The following OR9I1 variants were observed in gnomAD, a reference collection of about 807,000 sequenced individuals.
The protein encoded by OR9I1 is olfactory receptor 9I1.
In OR9I1, 7 loss-of-function variants were observed where a neutral mutation model predicts 11.2. The ratio of observed to expected loss-of-function variants is 0.62; its 90% CI spans 0.36 to 1.17. The LOEUF is 1.17. Among genes scored for constraint, OR9I1 ranks in the 50% most tolerant of loss-of-function variants. The pLI, the probability that OR9I1 is intolerant of heterozygous loss-of-function variation, is 0.02. For missense variants in OR9I1, 428 were observed against 377.2 expected (o/e 1.13, Z -1.12); for synonymous variants, 165 against 153.4 (o/e 1.08, Z -0.56).
chr11:58,120,146 C>A (rs1178295302), intron 2 of OR9I1, among the ~76,000 whole-genome samples: 1 of 152,164 alleles, frequency 6.6e-6, no homozygotes, highest in Non-Finnish European at 1.5e-5. Context: ...CAGGGGCCAT[C>A]ATCTTCAACA....
chr11:58,118,623 C>G lies in OR9I1; in HGVS notation c.822G>C (p.Val274=), dbSNP rs1317461113. The G allele has an allele frequency of 1.9e-6, 3 of 1,613,924 alleles. No individual in the cohort carries two copies. In the Admixed American group the frequency reaches 5.0e-5, roughly 27 times the overall value. The stretch of plus-strand genomic sequence containing the variant: ...GGATGACCACTGTATAGAAGACAGA[C>G]ACGACTTTGTCTTCCTCCAGAGATT... ...SGKSLEEDKV[V]SVFYTVVIPM... Residue 274 remains valine, a synonymous_variant, in exon 3 of 3, where the codon GTG becomes GTC. Transcript: ENST00000641439.
Position 58,119,958 on chromosome 11 carries a change from A to G in OR9I1, c.-22-492T>C, listed in dbSNP as rs112968757. 8.5e-3 allele frequency among the ~76,000 whole-genome samples: 1,299 copies of G among 152,266 alleles called. 19 individuals are homozygous for G. The highest frequency in any genetic ancestry group is 0.029 in the African/African-American group (1,215 of 41,546). Reference sequence around the variant, plus strand: ...TCACTTCTTCTTATGAAAGCCTTTCACAAGTTGGAACTGATGAATCTGCTC... The same window carrying G: ...TCACTTCTTCTTATGAAAGCCTTTCGCAAGTTGGAACTGATGAATCTGCTC... On this transcript the variant is annotated intron_variant, in intron 2 of 2. Transcript: ENST00000641439.
intron 2 of OR9I1, among the ~76,000 whole-genome samples, chr11:58,121,633 A>G (rs1398948409): frequency 9.9e-5 from 15 of 152,164 alleles, no homozygotes; most frequent in Non-Finnish European, 2.9e-5. Context: ...CAACTTCCTC[A>G]GGTTGGAATC....
At chr11:58,123,748 G>C (rs890807262) in intron 2 of OR9I1, among the ~76,000 whole-genome samples, 1 of 152,136 alleles carries the variant, frequency 6.6e-6, no homozygotes, top group Non-Finnish European at 1.5e-5. Flanking sequence ...GCATGAGAAA[G>C]ACCCTTTATG....
In OR9I1 at chr11:58,125,388, G is replaced by T. The variant is rs1342959733; in HGVS notation, c.-339C>A. ...CAGTTACACCTTCTCTAGTTTGTGTGGACCTTACTTCAGAGCCAAGGTAAT... is the reference window on the plus strand; with the variant it reads ...CAGTTACACCTTCTCTAGTTTGTGTTGACCTTACTTCAGAGCCAAGGTAAT... On this transcript the variant is annotated 5_prime_UTR_variant, in exon 1 of 3. Transcript: ENST00000641439. 1 of 152,056 alleles carries T rather than the reference G, an allele frequency of 6.6e-6. No individual in the cohort carries two copies. The highest frequency in any genetic ancestry group is 1.5e-5 in the Non-Finnish European group (1 of 68,028). 9.4% of individuals were successfully genotyped at this position (152,056 alleles called of 1,614,324 possible). A position where few individuals can be genotyped will look rare whatever the true frequency, so the allele number is the denominator to read the frequency against.
Position 58,118,598 on chromosome 11 carries a change from G to A in OR9I1, c.847C>T (p.Pro283Ser), listed in dbSNP as rs764130716. 2.4e-5 allele frequency: 39 copies of A among 1,614,010 alleles called. No homozygotes were observed. The highest frequency in any genetic ancestry group is 3.3e-5 in the Non-Finnish European group (39 of 1,179,950). ...CTGTAGATCAGAGGGTTCAGCATGG[G>A]GATGACCACTGTATAGAAGACAGAC... ...VVSVFYTVVI[P>S]MLNPLIYSLR... is the part of the protein sequence containing the mutation. Residue 283 changes from proline (P) to serine (S), a missense_variant, in exon 3 of 3, where the codon CCC becomes TCC. Physicochemically the swap from Pro to Ser is moderately conservative, Grantham distance 74. Coordinates refer to ENST00000641439, the MANE Select transcript of OR9I1 (RefSeq NM_001005211.2).
chr11:58,118,611 A>C lies in OR9I1; in HGVS notation c.834T>G (p.Tyr278Ter). ...LEEDKVVSVF[Y>*]TVVIPMLNPL... ...GGTTCAGCATGGGGATGACCACTGT[A>C]TAGAAGACAGACACGACTTTGTCTT... Residue 278 changes from tyrosine (Y) to a stop codon, truncating the protein, a stop_gained, in exon 3 of 3, where the codon TAT (tyrosine) becomes TAG (stop). Transcript: ENST00000641439. LOFTEE classifies it high-confidence loss of function. 9.9e-6 allele frequency: 16 copies of C among 1,614,040 alleles called. No homozygotes were observed. The highest frequency in any genetic ancestry group is 1.4e-5 in the Non-Finnish European group (16 of 1,179,952).
In OR9I1 at chr11:58,118,309, GA is replaced by G. The variant is rs1590599807; in HGVS notation, c.*190del. The G allele has an allele frequency of 3.7e-6, 2 of 534,482 alleles. No homozygotes were observed. The highest frequency in any genetic ancestry group is 5.9e-5 in the East Asian group (2 of 33,726). The allele number at this position is 534,482 out of a possible 1,614,324, so 33.1% of individuals were successfully genotyped here. A position where few individuals can be genotyped will look rare whatever the true frequency, so the allele number is the denominator to read the frequency against. On this transcript the variant is annotated 3_prime_UTR_variant, in exon 3 of 3. Transcript: ENST00000641439. ...GAATGGATTGAAAGTGGAAGAAGGG[GA>G]TAAGAAGAAAGAACATGGAATTGCT...
chr11:58,123,749 AC>A (rs1482989659), intron 2 of OR9I1, among the ~76,000 whole-genome samples: 1 of 152,148 alleles, frequency 6.6e-6, no homozygotes, highest in Non-Finnish European at 1.5e-5. Context: ...CATGAGAAAG[AC>A]CCTTTATGCA....
chr11:58,123,263 T>C (rs1475482846), intron 2 of OR9I1, among the ~76,000 whole-genome samples: 1 of 152,234 alleles, frequency 6.6e-6, no homozygotes, highest in African/African-American at 2.4e-5. Flanking sequence ...CTTTATAATC[T>C]ATGGAAACAA....
In OR9I1 at chr11:58,118,519, T is replaced by A. The variant is rs1193324952; in HGVS notation, c.926A>T (p.Gln309Leu). 4.4e-6 allele frequency: 7 copies of A among 1,604,918 alleles called. No homozygotes were observed. Among genetic ancestry groups the A allele is most frequent in the Non-Finnish European group, 5.1e-6 (6 of 1,176,354 alleles). Residue 309 changes from glutamine (Q) to leucine (L), a missense_variant, in exon 3 of 3, where the codon CAG (glutamine) becomes CTG (leucine). Physicochemically the swap from Gln to Leu is moderately radical, Grantham distance 113. Transcript: ENST00000641439. ...DAFRKVARRLQVSLSM is the reference protein window; with the variant it reads ...DAFRKVARRLLVSLSM ...TTAGATCTACATGCTCAGGGACACC[T>A]GGAGTCTCCTAGCGACCTTTCTGAA... is the stretch of plus-strand genomic sequence containing the variant.
chr11:58,122,156 C>T (rs572288596), intron 2 of OR9I1, among the ~76,000 whole-genome samples: 1 of 152,280 alleles, frequency 6.6e-6, no homozygotes, highest in Non-Finnish European at 1.5e-5. Context: ...GAGAGACAAG[C>T]AGCACACACT....
chr11:58,121,398 C>T (rs1854031130), intron 2 of OR9I1, among the ~76,000 whole-genome samples: 1 of 151,966 alleles, frequency 6.6e-6, no homozygotes, highest in Admixed American at 6.6e-5. Flanking sequence ...TCTTTTTTTT[C>T]CCAAAGTCAT....
intron 2 of OR9I1, among the ~76,000 whole-genome samples, chr11:58,120,318 C>G (rs1854015807): frequency 6.6e-6 from 1 of 151,958 alleles, no homozygotes. Flanking sequence ...ATACATTGTC[C>G]AAAATCAAAG....
At chr11:58,121,101 G>A (rs1435806233) in intron 2 of OR9I1, among the ~76,000 whole-genome samples, 1 of 152,044 alleles carries the variant, frequency 6.6e-6, no homozygotes, top group Admixed American at 6.6e-5. Context: ...ACACAGAAAA[G>A]GAAATGTCAT....
rs1853994921 is a variant in OR9I1 at position 58,119,068 on chromosome 11, A to G, written c.377T>C (p.Ile126Thr). The G allele has an allele frequency of 1.2e-6, 2 of 1,614,016 alleles. No homozygotes were observed. The highest frequency in any genetic ancestry group is 1.3e-5 in the African/African-American group (1 of 75,060). ...AVMAYDRYAA[I>T]RNPLLYTVAM... The stretch of plus-strand genomic sequence containing the variant: ...CACGGTATAGAGCAGTGGGTTGCGA[A>G]TGGCAGCATAGCGATCATAGGCCAT... Residue 126 changes from isoleucine (I) to threonine (T), a missense_variant, in exon 3 of 3, where the codon ATT (isoleucine) becomes ACT (threonine). Ile to Thr is a moderately conservative substitution (Grantham distance 89). Coordinates refer to ENST00000641439, the MANE Select transcript of OR9I1 (RefSeq NM_001005211.2).
rs552725514 is a variant in OR9I1, at chr11:58,119,980, G to T, written c.-22-514C>A. Among the ~76,000 whole-genome samples, 10 of 152,204 alleles carry T rather than the reference G, an allele frequency of 6.6e-5. No individual in the cohort carries two copies. The South Asian group carries it at 1.5e-3, about 22-fold the overall frequency. On this transcript the variant is annotated intron_variant, in intron 2 of 2. Transcript: ENST00000641439. The stretch of plus-strand genomic sequence containing the variant: ...TTCACAAGTTGGAACTGATGAATCT[G>T]CTCTTCCTGCCCACCATTCCCTTAT...
rs1854003232 is a variant in OR9I1 at position 58,119,453 on chromosome 11, T to A, written c.-9A>T. The A allele has an allele frequency of 6.6e-6, 10 of 1,511,594 alleles. No homozygotes were observed. Among genetic ancestry groups the A allele is most frequent in the Non-Finnish European group, 8.2e-6 (9 of 1,097,428 alleles). 93.6% of individuals were successfully genotyped at this position (1,511,594 alleles called of 1,614,324 possible). A position where few individuals can be genotyped will look rare whatever the true frequency, so the allele number is the denominator to read the frequency against. ...AGATTATTCTTGGCCATGGAGACAA[T>A]GTGGACTGTTGGTCTGAGGATGATA... On this transcript the variant is annotated 5_prime_UTR_variant, in exon 3 of 3. Transcript: ENST00000641439.
chr11:58,124,264 T>C (rs962049377), intron 2 of OR9I1, among the ~76,000 whole-genome samples, 174 bp downstream of exon 2: 2 of 152,192 alleles, frequency 1.3e-5, no homozygotes, highest in African/African-American at 2.4e-5. Flanking sequence ...GGCCAGTGAC[T>C]CTTTTAAGAA....
Sources: allele counts gnomAD v4.1 joint callset (sites outside exome capture counted in the v4.1 genomes callset), GRCh38; gene constraint gnomAD v4.1.1; transcripts MANE v1.5; gene names NCBI Gene and HGNC (gene_info 2026-07-23, HGNC 2026-07-21).